The following CDH23 variants were observed in gnomAD, a reference collection of about 807,000 sequenced individuals.
CDH23 encodes the protein cadherin related 23.
CDH23 carries 189 observed loss-of-function variants against 317.1 expected under a neutral mutation model. That is an observed-to-expected ratio of 0.60 (90% CI 0.53 to 0.67). The LOEUF (loss-of-function observed/expected upper bound fraction) is 0.67. Ranked by LOEUF, CDH23 falls within the 30% of genes least tolerant of loss-of-function variation. The probability of loss-of-function intolerance (pLI) is 0.00; values close to 1 mark genes in which losing one functional copy is unlikely to be tolerated. For synonymous variants in CDH23, 1,839 were observed against 1,876.8 expected, an observed-to-expected ratio of 0.98 and a Z score of 0.52; for missense variants, 4,401 against 4,592.4, an observed-to-expected ratio of 0.96 and a Z score of 1.20.
intron 11 of CDH23, among the ~76,000 whole-genome samples, chr10:71,619,508 C>T (rs1032174790): frequency 2.0e-5 from 3 of 152,130 alleles, no homozygotes; most frequent in African/African-American, 4.8e-5. Flanking sequence ...AAGAAAGTCC[C>T]ATCTGTGGTT....
chr10:71,667,033 C>A (rs1490383979), intron 14 of CDH23, among the ~76,000 whole-genome samples: 1 of 152,248 alleles, frequency 6.6e-6, no homozygotes, highest in Non-Finnish European at 1.5e-5. Context: ...TACCGCGTGC[C>A]CTTCTCTGCA....
At chr10:71,702,827 G>A in intron 24 of CDH23, 133 bp downstream of exon 24, 1 of 978,668 alleles carries the variant, frequency 1.0e-6, no homozygotes, top group Non-Finnish European at 1.6e-6. Context: ...AGGCTCTGGA[G>A]ATGTGGAGGG....
chr10:71,679,328 C>T (rs1192000029), intron 16 of CDH23, 59 bp from the exon 17 acceptor site: 5 of 955,990 alleles, frequency 5.2e-6, no homozygotes, highest in Non-Finnish European at 8.2e-6. Flanking sequence ...GCTGCCCACC[C>T]TCTTCTGGCC....
chr10:71,806,106 GA>G, intron 56 of CDH23, 61 bp from the exon 57 acceptor site: 1 of 1,530,796 alleles, frequency 6.5e-7, no homozygotes. Flanking sequence ...TGGCCACCGG[GA>G]AGTCCCCAAG....
chr10:71,802,827 C>T (rs1299931397), intron 53 of CDH23, 71 bp from the exon 54 acceptor site: 3 of 1,532,126 alleles, frequency 2.0e-6, no homozygotes, highest in Non-Finnish European at 2.7e-6. Flanking sequence ...AGGCTTACTC[C>T]TGCATGACCA....
intron 30 of CDH23, among the ~76,000 whole-genome samples, chr10:71,729,331 C>T (rs746377411): frequency 9.9e-5 from 15 of 152,152 alleles, no homozygotes; most frequent in Non-Finnish European, 1.9e-4. Context: ...AAGAAGCGCC[C>T]ACAGGAAAAG....
chr10:71,506,693 G>C (rs894159868), intron 3 of CDH23, among the ~76,000 whole-genome samples: 3 of 152,170 alleles, frequency 2.0e-5, no homozygotes, highest in African/African-American at 7.2e-5. Context: ...TCTGTAGAGA[G>C]GCAGAGCAGC....
rs1254901174 is a variant in CDH23 at position 71,570,859 on chromosome 10, A to G, written c.694A>G (p.Met232Val). Residue 232 changes from methionine (M) to valine (V), a missense_variant, in exon 8 of 70, where the codon ATG becomes GTG. Physicochemically the swap from Met to Val is conservative, Grantham distance 21. Transcript: ENST00000224721. ...CATCATCATCACAGATGTCCAGGAC[A>G]TGGACCCCATCTTCATCAACCTGCC... ...LAIIITDVQD[M>V]DPIFINLPYS... The G allele has an allele frequency of 1.9e-6, 3 of 1,614,014 alleles. No homozygotes were observed. Among genetic ancestry groups the G allele is most frequent in the Non-Finnish European group, 2.5e-6 (3 of 1,179,874 alleles).
intron 9 of CDH23, among the ~76,000 whole-genome samples, chr10:71,607,471 A>C (rs1395726231): frequency 6.6e-6 from 1 of 152,234 alleles, no homozygotes; most frequent in Non-Finnish European, 1.5e-5. Context: ...TGAATAAGAC[A>C]TGCATACAAG....
chr10:71,427,488 T>A lies in CDH23; in HGVS notation c.-5-12339T>A, dbSNP rs143747532. On this transcript the variant is annotated intron_variant, in intron 1 of 69. Transcript: ENST00000224721. ...GGCAGGCGTCAGTCTCCATTCCTTTTCATGGCTGGATAACATTTCGTTGTG... is the reference window on the plus strand; with the variant it reads ...GGCAGGCGTCAGTCTCCATTCCTTTACATGGCTGGATAACATTTCGTTGTG... 2.6e-5 allele frequency among the ~76,000 whole-genome samples: 4 copies of A among 152,278 alleles called. No homozygotes were observed. In the East Asian group the frequency reaches 7.7e-4, roughly 29 times the overall value.
intron 11 of CDH23, 139 bp from the exon 12 acceptor site, chr10:71,643,722 T>A: frequency 1.5e-6 from 1 of 659,766 alleles, no homozygotes; most frequent in Non-Finnish European, 2.8e-6. Context: ...CAGCTGCTCC[T>A]CTAGGGTGTG....
intron 28 of CDH23, chr10:71,713,702 C>T (rs1047983886): frequency 3.3e-5 from 6 of 182,938 alleles, no homozygotes; most frequent in Admixed American, 2.8e-4. Context: ...TTGGAGCATA[C>T]CCCCCTGGCC....
At chr10:71,692,946 T>C (rs1865240180) in intron 20 of CDH23, among the ~76,000 whole-genome samples, 1 of 152,230 alleles carries the variant, frequency 6.6e-6, no homozygotes, top group South Asian at 2.1e-4. Flanking sequence ...ACAACGGCTC[T>C]GCATGGAAGT....
chr10:71,746,502 G>A (rs1239492990), intron 38 of CDH23, among the ~76,000 whole-genome samples: 2 of 152,246 alleles, frequency 1.3e-5, no homozygotes, highest in South Asian at 4.1e-4. Context: ...TGTGCCACTG[G>A]CCGGGGGAGT....
chr10:71,460,307 C>T (rs1251877477), intron 3 of CDH23, among the ~76,000 whole-genome samples: 1 of 152,376 alleles, frequency 6.6e-6, no homozygotes, highest in African/African-American at 2.4e-5. Flanking sequence ...GATCCTCCAA[C>T]CTTGGTCCCC....
intron 14 of CDH23, among the ~76,000 whole-genome samples, chr10:71,659,600 C>A (rs1863557822): frequency 6.6e-6 from 1 of 152,216 alleles, no homozygotes; most frequent in Admixed American, 6.5e-5. Context: ...ACCCAGGACA[C>A]ATACTCACAC....
At chr10:71,590,022 G>T (rs1440000697) in intron 9 of CDH23, among the ~76,000 whole-genome samples, 1 of 152,198 alleles carries the variant, frequency 6.6e-6, no homozygotes, top group Non-Finnish European at 1.5e-5. Context: ...GAACCCAGCA[G>T]GCTGGCTGTA....
chr10:71,723,082 T>C (rs1866630097), intron 28 of CDH23, among the ~76,000 whole-genome samples: 2 of 152,176 alleles, frequency 1.3e-5, no homozygotes, highest in Admixed American at 1.3e-4. Context: ...GCAGCTCCCA[T>C]GCACACCACA....
intron 38 of CDH23, among the ~76,000 whole-genome samples, chr10:71,769,367 C>G (rs576466635): frequency 9.2e-5 from 14 of 152,216 alleles, no homozygotes; most frequent in African/African-American, 3.1e-4. Context: ...TTTCCTGTTA[C>G]GTTCTTTTAT....
Sources: allele counts gnomAD v4.1 joint callset (sites outside exome capture counted in the v4.1 genomes callset), GRCh38; gene constraint gnomAD v4.1.1; transcripts MANE v1.5; gene names NCBI Gene and HGNC (gene_info 2026-07-23, HGNC 2026-07-21).